Variants in DLGAP2 observed in about 807,000 individuals in gnomAD.
The protein encoded by DLGAP2 is DLG associated protein 2.
DLGAP2 carries 26 observed loss-of-function variants against 100.3 expected under a neutral mutation model. That is an observed-to-expected ratio of 0.26 (90% CI 0.19 to 0.36). The LOEUF (loss-of-function observed/expected upper bound fraction) is 0.36, where lower values mean the gene tolerates loss of function less well. DLGAP2 is among the 10% of genes least tolerant of loss of function. The probability of loss-of-function intolerance (pLI) is 1.00; values close to 1 mark genes in which losing one functional copy is unlikely to be tolerated. For missense variants in DLGAP2, 1,858 were observed against 1,453.2 expected (o/e 1.28, Z -4.53); for synonymous variants, 886 against 630.1 (o/e 1.41, Z -6.08).
At chr8:1,207,244 C>A (rs1382095420) in intron 2 of DLGAP2, among the ~76,000 whole-genome samples, 1 of 152,182 alleles carries the variant, frequency 6.6e-6, no homozygotes, top group East Asian at 1.9e-4. Context: ...CCCATCCTTC[C>A]CCGAGTCCCC....
intron 1 of DLGAP2, among the ~76,000 whole-genome samples, chr8:856,851 A>G (rs914028510): frequency 6.6e-6 from 1 of 152,206 alleles, no homozygotes; most frequent in African/African-American, 2.4e-5. Context: ...CCAGCATGTT[A>G]TTTTGTGGAT....
chr8:914,610 G>A (rs983595401), intron 2 of DLGAP2, among the ~76,000 whole-genome samples: 4 of 152,208 alleles, frequency 2.6e-5, no homozygotes, highest in Admixed American at 2.0e-4. Flanking sequence ...GTTCTGGGCC[G>A]GGCACTTCTG....
At chr8:1,303,346 G>A (rs903188534) in intron 3 of DLGAP2, among the ~76,000 whole-genome samples, 2 of 148,532 alleles carry the variant, frequency 1.3e-5, no homozygotes, top group African/African-American at 5.0e-5. Context: ...GCACAGAGCC[G>A]AGATCGCGCC....
At chr8:1,012,437 C>G (rs1801317372) in intron 2 of DLGAP2, among the ~76,000 whole-genome samples, 1 of 152,266 alleles carries the variant, frequency 6.6e-6, no homozygotes, top group African/African-American at 2.4e-5. Flanking sequence ...CCAGTAGTCT[C>G]TGTGTGGCTG....
intron 2 of DLGAP2, among the ~76,000 whole-genome samples, chr8:1,182,267 C>A (rs17815735): frequency 0.034 from 5,129 of 152,300 alleles, 124 homozygotes; most frequent in East Asian, 0.16. Flanking sequence ...CTGTTTTGGA[C>A]AAATGGAGAA....
chr8:940,869 C>A (rs1353035817), intron 2 of DLGAP2, among the ~76,000 whole-genome samples: 2 of 152,174 alleles, frequency 1.3e-5, no homozygotes, highest in East Asian at 1.9e-4. Flanking sequence ...GGGGAGGAGG[C>A]AGTCAGGCTG....
At chr8:1,102,476 T>C (rs1040741448) in intron 2 of DLGAP2, among the ~76,000 whole-genome samples, 7 of 151,764 alleles carry the variant, frequency 4.6e-5, no homozygotes, top group Admixed American at 2.6e-4. Context: ...CTAAGTCTCT[T>C]AAATGAGAAA....
intron 2 of DLGAP2, among the ~76,000 whole-genome samples, chr8:1,046,431 T>C (rs994723201): frequency 6.6e-6 from 1 of 152,188 alleles, no homozygotes; most frequent in African/African-American, 2.4e-5. Context: ...ATATATGACT[T>C]TGCAGGGGTG....
intron 1 of DLGAP2, among the ~76,000 whole-genome samples, chr8:816,189 C>G (rs1483450826): frequency 6.6e-6 from 1 of 151,640 alleles, no homozygotes; most frequent in African/African-American, 2.4e-5. Context: ...TTAAGTGGAA[C>G]ATTTAGTACA....
intron 3 of DLGAP2, among the ~76,000 whole-genome samples, chr8:1,287,812 C>T (rs1269267616): frequency 1.3e-5 from 1 of 74,774 alleles, no homozygotes; most frequent in Non-Finnish European, 2.4e-5. Context: ...TCTGTTAGGA[C>T]GGGAACTAGT....
At chr8:1,499,030 C>T (rs979462526) in intron 3 of DLGAP2, among the ~76,000 whole-genome samples, 1 of 152,214 alleles carries the variant, frequency 6.6e-6, no homozygotes, top group African/African-American at 2.4e-5. Flanking sequence ...ATCTGATAAA[C>T]AGCAAGGGCG....
chr8:886,413 C>G (rs1027615689), intron 1 of DLGAP2, among the ~76,000 whole-genome samples: 2 of 152,020 alleles, frequency 1.3e-5, no homozygotes, highest in Admixed American at 6.6e-5. Context: ...CTTCTGCTAG[C>G]TTTTGGATTA....
At chr8:1,079,848 C>T (rs554215311) in intron 2 of DLGAP2, among the ~76,000 whole-genome samples, 8 of 152,346 alleles carry the variant, frequency 5.3e-5, no homozygotes, top group Admixed American at 2.6e-4. Context: ...GTGAGGATTT[C>T]ACAGGAGAGC....
chr8:1,459,031 C>T (rs893870648), intron 3 of DLGAP2, among the ~76,000 whole-genome samples: 2 of 151,550 alleles, frequency 1.3e-5, no homozygotes, highest in African/African-American at 2.4e-5. Context: ...ACAGGAGTGA[C>T]AGCCAGCTGG....
chr8:792,657 A>G (rs1466902719), intron 1 of DLGAP2, among the ~76,000 whole-genome samples: 1 of 152,212 alleles, frequency 6.6e-6, no homozygotes, highest in African/African-American at 2.4e-5. Flanking sequence ...ATAAAAATGG[A>G]TTGATCTTAG....
intron 3 of DLGAP2, among the ~76,000 whole-genome samples, chr8:1,336,139 C>T (rs140501342): frequency 6.6e-6 from 1 of 152,350 alleles, no homozygotes; most frequent in African/African-American, 2.4e-5. Flanking sequence ...CATTGGTGAC[C>T]CCATGGGTCC....
At chr8:981,935 TC>T (rs1214628853) in intron 2 of DLGAP2, among the ~76,000 whole-genome samples, 2 of 152,242 alleles carry the variant, frequency 1.3e-5, no homozygotes, top group Non-Finnish European at 2.9e-5. Context: ...CTGCGGGTCT[TC>T]CTTGTTTTCT....
rs1202554307 is a variant in DLGAP2, at chr8:1,468,665, G to A, written c.107-32701G>A. 5.3e-5 allele frequency among the ~76,000 whole-genome samples: 8 copies of A among 152,168 alleles called. No individual in the cohort carries two copies. In the East Asian group the frequency reaches 9.6e-4, roughly 18 times the overall value. Reference sequence around the variant, plus strand: ...CAGTGCATTCCTCGCTTTATTTACTGGGGCTGCCGTAAAACGTGACTCCAG... The same window carrying A: ...CAGTGCATTCCTCGCTTTATTTACTAGGGCTGCCGTAAAACGTGACTCCAG... On this transcript the variant is annotated intron_variant, in intron 3 of 14. Coordinates refer to ENST00000637795, the MANE Select transcript of DLGAP2 (RefSeq NM_001346810.2).
intron 2 of DLGAP2, among the ~76,000 whole-genome samples, chr8:1,212,067 TA>T (rs764258120): frequency 2.0e-5 from 3 of 152,184 alleles, no homozygotes; most frequent in Non-Finnish European, 2.9e-5. Flanking sequence ...ACAATTATTT[TA>T]TGAACAAATG....
Sources: gnomAD v4.1 joint callset for allele counts (sites outside exome capture counted in the v4.1 genomes callset) on GRCh38, gnomAD v4.1.1 for gene constraint, MANE v1.5 for transcripts, NCBI Gene and HGNC (gene_info 2026-07-23, HGNC 2026-07-21) for gene names.